Variants in HMGCS2 observed in about 807,000 individuals in gnomAD.
HMGCS2 encodes the protein hydroxymethylglutaryl-CoA synthase, mitochondrial.
HMGCS2 carries 50 observed loss-of-function variants against 57.4 expected under a neutral mutation model. The observed-to-expected ratio is 0.87, with a 90% CI of 0.69 to 1.10. The LOEUF (loss-of-function observed/expected upper bound fraction) is 1.10. Among genes scored for constraint, HMGCS2 ranks in the 50% least tolerant of loss-of-function variants. The pLI, the probability that HMGCS2 is intolerant of heterozygous loss-of-function variation, is 0.00. For missense variants in HMGCS2, 627 were observed against 636.5 expected, an observed-to-expected ratio of 0.99 and a Z score of 0.16; for synonymous variants, 254 against 245.1, an observed-to-expected ratio of 1.04 and a Z score of -0.34.
In HMGCS2 at chr1:119,755,441, G is replaced by T; in HGVS notation, c.1173C>A (p.Ala391=). ...GCAGTACTCACTGGGACAGAAGCGAGGCCAGGCACCCGTACAGGGATGAGG... is the reference window on the plus strand; with the variant it reads ...GCAGTACTCACTGGGACAGAAGCGATGCCAGGCACCCGTACAGGGATGAGG... ...MYTSSLYGCL[A]SLLSHHSAQE... is the part of the protein sequence containing the mutation. Residue 391 remains alanine, a synonymous_variant, in exon 6 of 10, where the codon GCC becomes GCA. Transcript: ENST00000369406. 1.2e-6 allele frequency: 2 copies of T among 1,614,190 alleles called. No homozygotes were observed.
At chr1:119,766,930 C>A (rs1168569090) in intron 1 of HMGCS2, among the ~76,000 whole-genome samples, 1 of 152,194 alleles carries the variant, frequency 6.6e-6, no homozygotes, top group Admixed American at 6.5e-5. Flanking sequence ...TCCTTCTCAT[C>A]TTGTGCTTTC....
chr1:119,767,907 A>T (rs587620771), intron 1 of HMGCS2, among the ~76,000 whole-genome samples: 1 of 152,262 alleles, frequency 6.6e-6, no homozygotes, highest in Non-Finnish European at 1.5e-5. Flanking sequence ...AATGAAAAAT[A>T]TAAGAAAGCT....
intron 1 of HMGCS2, 103 bp downstream of exon 1, chr1:119,768,638 C>G: frequency 1.2e-6 from 1 of 853,146 alleles, no homozygotes; most frequent in Non-Finnish European, 2.0e-6. Context: ...CTGCTGTGCA[C>G]AAGCCTTGCC....
intron 2 of HMGCS2, among the ~76,000 whole-genome samples, chr1:119,761,531 C>T (rs992336364): frequency 2.0e-5 from 3 of 151,930 alleles, no homozygotes; most frequent in Non-Finnish European, 2.9e-5. Context: ...TTGGGGAGGC[C>T]GAGGCAGGAG....
intron 1 of HMGCS2, among the ~76,000 whole-genome samples, 185 bp downstream of exon 1, chr1:119,768,556 A>G (rs1013546890): frequency 3.9e-5 from 6 of 152,200 alleles, no homozygotes; most frequent in South Asian, 2.1e-4. Context: ...TTCTCACTCT[A>G]CAGCTGAAAG....
At chr1:119,760,353 G>A (rs1571038695) in intron 2 of HMGCS2, among the ~76,000 whole-genome samples, 1 of 152,152 alleles carries the variant, frequency 6.6e-6, no homozygotes, top group East Asian at 1.9e-4. Flanking sequence ...AGGACAGGGA[G>A]GGAAACTAAC....
chr1:119,765,195 G>A (rs1161151388), intron 1 of HMGCS2, among the ~76,000 whole-genome samples: 3 of 152,084 alleles, frequency 2.0e-5, no homozygotes, highest in African/African-American at 4.8e-5. Context: ...TGCAAGCTCC[G>A]CCTCCTGGGT....
intron 7 of HMGCS2, 24 bp downstream of exon 7, chr1:119,753,256 G>C (rs377290393): frequency 8.7e-6 from 12 of 1,379,180 alleles, no homozygotes; most frequent in African/African-American, 2.8e-5. Flanking sequence ...TGTCAGGAAG[G>C]CCTACTAGAA....
Position 119,748,054 on chromosome 1 carries a change from G to A in HMGCS2, c.*793C>T, listed in dbSNP as rs1652518749. Reference sequence around the variant, plus strand: ...AGAAGGCAAAAACTTGTTAACCTTTGCGCTGTGTTTATTTGTTCAAATAAC... The same window carrying A: ...AGAAGGCAAAAACTTGTTAACCTTTACGCTGTGTTTATTTGTTCAAATAAC... On this transcript the variant is annotated 3_prime_UTR_variant, in exon 10 of 10. Coordinates refer to ENST00000369406, the MANE Select transcript of HMGCS2 (RefSeq NM_005518.4). The A allele has an allele frequency of 6.6e-6, 1 of 152,166 alleles. No individual in the cohort carries two copies. Among genetic ancestry groups the A allele is most frequent in the Non-Finnish European group, 1.5e-5 (1 of 68,020 alleles). The allele number at this position is 152,166 out of a possible 1,614,324, so 9.4% of individuals were successfully genotyped here.
chr1:119,767,426 A>C (rs1188718564), intron 1 of HMGCS2, among the ~76,000 whole-genome samples: 2 of 152,084 alleles, frequency 1.3e-5, no homozygotes, highest in Non-Finnish European at 2.9e-5. Context: ...CAAGTAAGGA[A>C]CCCTGGAGAT....
intron 8 of HMGCS2, among the ~76,000 whole-genome samples, chr1:119,752,128 ATT>A (rs1471690406): frequency 6.6e-6 from 1 of 152,230 alleles, no homozygotes; most frequent in Non-Finnish European, 1.5e-5. Context: ...AATCGGTATG[ATT>A]TTAGAAATAA....
At chr1:119,765,453 C>T (rs983809568) in intron 1 of HMGCS2, among the ~76,000 whole-genome samples, 4 of 152,042 alleles carry the variant, frequency 2.6e-5, no homozygotes, top group African/African-American at 4.8e-5. Flanking sequence ...TTCTTTTATT[C>T]CTCCTTTCCC....
intron 3 of HMGCS2, 138 bp downstream of exon 3, chr1:119,759,726 C>G (rs1652971966): frequency 1.9e-6 from 2 of 1,031,136 alleles, no homozygotes; most frequent in African/African-American, 3.1e-5. Flanking sequence ...GCTCCATAGA[C>G]CAGCCCTTTT....
intron 9 of HMGCS2, among the ~76,000 whole-genome samples, chr1:119,749,511 G>A (rs1369707313): frequency 2.6e-5 from 4 of 151,884 alleles, no homozygotes. Context: ...CATGCACACA[G>A]GCTCCCGGGC....
intron 2 of HMGCS2, among the ~76,000 whole-genome samples, chr1:119,762,122 C>G (rs1653066889): frequency 6.6e-6 from 1 of 152,052 alleles, no homozygotes; most frequent in African/African-American, 2.4e-5. Context: ...ACTAAATATC[C>G]ATCAATATGG....
intron 2 of HMGCS2, among the ~76,000 whole-genome samples, chr1:119,761,305 C>G (rs1653030730): frequency 6.6e-6 from 1 of 150,874 alleles, no homozygotes; most frequent in South Asian, 2.1e-4. Flanking sequence ...ACTTTAGAAA[C>G]TATAGAAAAG....
At chr1:119,755,371 C>A in intron 6 of HMGCS2, 56 bp downstream of exon 6, 1 of 1,552,760 alleles carries the variant, frequency 6.4e-7, no homozygotes, top group Non-Finnish European at 8.9e-7. Flanking sequence ...CTGCAGCCCA[C>A]GGGGGCGGAG....
At position 119,759,893 on chromosome 1, in the gene HMGCS2, C is replaced by A; in HGVS notation, c.656G>T (p.Gly219Val). 1 of 1,614,158 alleles carries A rather than the reference C, an allele frequency of 6.2e-7. No individual in the cohort carries two copies. Among genetic ancestry groups the A allele is most frequent in the Non-Finnish European group, 8.5e-7 (1 of 1,180,022 alleles). ...GGAGAVAMLI[G>V]PKAPLALERG... ...CTCCAGGGCCAGAGGGGCCTTGGGC[C>A]CAATCAGCATAGCCACAGCTCCGGC... is the stretch of plus-strand genomic sequence containing the variant. The change falls in exon 3 of 10, where the codon GGG becomes GTG. Residue 219 changes from glycine (G) to valine (V), a missense_variant. Gly to Val is a moderately radical substitution (Grantham distance 109). Coordinates refer to ENST00000369406, the MANE Select transcript of HMGCS2 (RefSeq NM_005518.4).
chr1:119,761,495 GTGGC>G (rs1653037292), intron 2 of HMGCS2, among the ~76,000 whole-genome samples: 1 of 152,090 alleles, frequency 6.6e-6, no homozygotes, highest in African/African-American at 2.4e-5. Flanking sequence ...GCCGGGCACG[GTGGC>G]TCACGCCTGT....
Sources: gnomAD v4.1 joint callset for allele counts (sites outside exome capture counted in the v4.1 genomes callset) on GRCh38, gnomAD v4.1.1 for gene constraint, MANE v1.5 for transcripts, NCBI Gene and HGNC (gene_info 2026-07-23, HGNC 2026-07-21) for gene names.